CTNNA3: variants seen among roughly 807,000 people sequenced by gnomAD.
CTNNA3 encodes the protein catenin alpha 3, also known as catenin alpha-3.
In CTNNA3, 76 loss-of-function variants were observed where a neutral mutation model predicts 95.7. The ratio of observed to expected loss-of-function variants is 0.79; its 90% confidence interval spans 0.66 to 0.96. The LOEUF is 0.96. Among genes scored for constraint, CTNNA3 ranks in the 40% least tolerant of loss-of-function variants. The probability of loss-of-function intolerance (pLI) is 0.00; values close to 1 mark genes in which losing one functional copy is unlikely to be tolerated. For synonymous variants in CTNNA3, 431 were observed against 374.4 expected, an observed-to-expected ratio of 1.15 and a Z score of -1.74; for missense variants, 1,191 against 1,089.8, an observed-to-expected ratio of 1.09 and a Z score of -1.31.
chr10:66,029,054 A>G (rs917049399), intron 15 of CTNNA3, among the ~76,000 whole-genome samples: 40 of 152,192 alleles, frequency 2.6e-4, no homozygotes, highest in African/African-American at 9.7e-4. Flanking sequence ...GATCCAACAT[A>G]TAACTCAAGA....
intron 5 of CTNNA3, among the ~76,000 whole-genome samples, chr10:67,227,274 A>G (rs1864971975): frequency 6.6e-6 from 1 of 152,028 alleles, no homozygotes; most frequent in Non-Finnish European, 1.5e-5. Context: ...TATTTTTAGT[A>G]GAGCCAGGGT....
chr10:67,536,232 G>C (rs1484715966), intron 4 of CTNNA3, among the ~76,000 whole-genome samples: 5 of 152,088 alleles, frequency 3.3e-5, no homozygotes, highest in Non-Finnish European at 2.9e-5. Context: ...TAAGTCCTAA[G>C]AGTAATCATC....
At chr10:65,990,396 T>C (rs930045211) in intron 15 of CTNNA3, among the ~76,000 whole-genome samples, 1 of 151,068 alleles carries the variant, frequency 6.6e-6, no homozygotes, top group Non-Finnish European at 1.5e-5. Flanking sequence ...CATCTGTTTT[T>C]TTTTTTTTCC....
rs1589655860 is a variant in CTNNA3, at chr10:67,045,891, T to C, written c.1047+134426A>G. Among the ~76,000 whole-genome samples the C allele has an allele frequency of 2.0e-5, 3 of 152,196 alleles. No individual in the cohort carries two copies. In the South Asian group the frequency reaches 6.2e-4, roughly 31 times the overall value. ...TAACCTGGTCCCCCAAATAATAAGCTGTAAAAAGATTTACTGGAAGAAAAA... is the reference window on the plus strand; with the variant it reads ...TAACCTGGTCCCCCAAATAATAAGCCGTAAAAAGATTTACTGGAAGAAAAA... On this transcript the variant is annotated intron_variant, in intron 7 of 17. Coordinates refer to ENST00000433211, the MANE Select transcript of CTNNA3 (RefSeq NM_013266.4).
intron 5 of CTNNA3, among the ~76,000 whole-genome samples, chr10:67,506,248 T>G (rs1380220642): frequency 2.0e-5 from 3 of 152,160 alleles, no homozygotes; most frequent in Non-Finnish European, 4.4e-5. Flanking sequence ...GAACAAAATA[T>G]GGAGCAAACC....
chr10:66,741,886 C>T (rs868610368), intron 9 of CTNNA3, among the ~76,000 whole-genome samples: 4 of 152,104 alleles, frequency 2.6e-5, no homozygotes, highest in Non-Finnish European at 4.4e-5. Context: ...CTCTTAATCC[C>T]GTCATCTTCA....
intron 12 of CTNNA3, among the ~76,000 whole-genome samples, chr10:66,336,889 T>C (rs1340703084): frequency 6.6e-6 from 1 of 152,048 alleles, no homozygotes; most frequent in Non-Finnish European, 1.5e-5. Context: ...TTTGTAATAA[T>C]ACTAAGACCT....
At chr10:66,294,937 G>A (rs1049568929) in intron 12 of CTNNA3, among the ~76,000 whole-genome samples, 1 of 151,398 alleles carries the variant, frequency 6.6e-6, no homozygotes, top group African/African-American at 2.4e-5. Flanking sequence ...CATTTGCATT[G>A]GGATGACAGT....
chr10:66,162,197 T>C (rs1011195932), intron 13 of CTNNA3, among the ~76,000 whole-genome samples: 1 of 152,152 alleles, frequency 6.6e-6, no homozygotes, highest in Non-Finnish European at 1.5e-5. Context: ...TGAATTCTTT[T>C]TCAAGTAAAT....
At chr10:65,951,346 A>AT (rs1254109639) in intron 17 of CTNNA3, among the ~76,000 whole-genome samples, 1 of 152,176 alleles carries the variant, frequency 6.6e-6, no homozygotes, top group African/African-American at 2.4e-5. Context: ...AACTTGATAG[A>AT]TGAAGAAATG....
chr10:67,434,451 T>C lies in CTNNA3; in HGVS notation c.579+87391A>G, dbSNP rs556911566. 9.2e-5 allele frequency among the ~76,000 whole-genome samples: 14 copies of C among 152,088 alleles called. No individual in the cohort carries two copies. In the South Asian group the frequency reaches 2.9e-3, roughly 32 times the overall value. On this transcript the variant is annotated intron_variant, in intron 5 of 17. Transcript: ENST00000433211. Reference sequence around the variant, plus strand: ...TTTTTCCTTTAGGAAAACAGAAAGCTTCACAAGGTACACATTTTAACAGTG... The same window carrying C: ...TTTTTCCTTTAGGAAAACAGAAAGCCTCACAAGGTACACATTTTAACAGTG...
At chr10:67,677,734 C>A (rs73271920) in intron 1 of CTNNA3, among the ~76,000 whole-genome samples, 20,909 of 151,960 alleles carry the variant, frequency 0.14, 2,629 homozygotes, top group African/African-American at 0.34. Context: ...TGAGAGGGGA[C>A]AAGGAAAGAA....
intron 10 of CTNNA3, among the ~76,000 whole-genome samples, chr10:66,609,455 C>T (rs1844250713): frequency 6.6e-6 from 1 of 150,576 alleles, no homozygotes; most frequent in South Asian, 2.1e-4. Flanking sequence ...GGTACATGAA[C>T]ACTTTTCTAA....
chr10:66,790,363 C>T (rs1380588801), intron 7 of CTNNA3, among the ~76,000 whole-genome samples: 2 of 152,058 alleles, frequency 1.3e-5, no homozygotes, highest in African/African-American at 2.4e-5. Context: ...GAAGGAGAAT[C>T]GCTTGAGGCA....
intron 5 of CTNNA3, among the ~76,000 whole-genome samples, chr10:67,470,459 T>C (rs979760771): frequency 4.6e-5 from 7 of 152,218 alleles, no homozygotes; most frequent in Non-Finnish European, 1.0e-4. Context: ...AAAGTTCTTT[T>C]TAAAATCAGC....
At chr10:67,594,644 T>C (rs888943188) in intron 3 of CTNNA3, among the ~76,000 whole-genome samples, 3 of 151,912 alleles carry the variant, frequency 2.0e-5, no homozygotes, top group African/African-American at 7.2e-5. Context: ...TCATCTCTAT[T>C]TTTTTTTCAT....
chr10:66,151,106 A>C (rs1444786286), intron 13 of CTNNA3, among the ~76,000 whole-genome samples: 4 of 152,054 alleles, frequency 2.6e-5, no homozygotes, highest in Non-Finnish European at 5.9e-5. Flanking sequence ...TAAGATGTCA[A>C]TAATTGGTTC....
intron 16 of CTNNA3, among the ~76,000 whole-genome samples, chr10:65,983,362 T>A (rs908912389): frequency 6.6e-6 from 1 of 151,616 alleles, no homozygotes; most frequent in African/African-American, 2.4e-5. Flanking sequence ...CCTATCTAGG[T>A]TATACTGCTT....
intron 5 of CTNNA3, among the ~76,000 whole-genome samples, chr10:67,406,061 C>T (rs537135701): frequency 2.6e-5 from 4 of 152,156 alleles, no homozygotes; most frequent in Non-Finnish European, 5.9e-5. Context: ...TGAGTGAGTT[C>T]TCAGGAGAGC....
Sources: gnomAD v4.1 joint callset for allele counts (sites outside exome capture counted in the v4.1 genomes callset) on GRCh38, gnomAD v4.1.1 for gene constraint, MANE v1.5 for transcripts, NCBI Gene and HGNC (gene_info 2026-07-23, HGNC 2026-07-21) for gene names.